Variants in ZNF624 observed in about 807,000 individuals in gnomAD.
The protein encoded by ZNF624 is zinc finger protein 624.
A neutral mutation model predicts 74.7 loss-of-function variants in ZNF624; 43 were observed. The ratio of observed to expected loss-of-function variants is 0.58; its 90% CI spans 0.45 to 0.74. The LOEUF (loss-of-function observed/expected upper bound fraction) is 0.74, where lower values mean the gene tolerates loss of function less well. Ranked by LOEUF, ZNF624 falls within the 30% of genes least tolerant of loss-of-function variation. The pLI is 0.00. For synonymous variants in ZNF624, 331 were observed against 341.3 expected (o/e 0.97, Z 0.33); for missense variants, 820 against 1,030.0 (o/e 0.80, Z 2.79).
intron 5 of ZNF624, among the ~76,000 whole-genome samples, chr17:16,629,255 G>C (rs1171107900): frequency 7.1e-6 from 1 of 140,866 alleles, no homozygotes; most frequent in African/African-American, 2.6e-5. Flanking sequence ...TTTAAACAGT[G>C]TCTTGCTCTG....
chr17:16,649,824 C>T, intron 1 of ZNF624, 78 bp from the exon 2 acceptor site: 1 of 1,152,344 alleles, frequency 8.7e-7, no homozygotes, highest in Non-Finnish European at 1.3e-6. Flanking sequence ...TCCTGACATA[C>T]AAGTGAGCAT....
rs1466884342 is a variant in ZNF624, at chr17:16,653,781, G to A, written c.-20C>T. Reference sequence around the variant, plus strand: ...ACGAGTACCTGGCGGCCGAACTGAGGACAACTGAGGGAACTCGCAGAGCAG... The same window carrying A: ...ACGAGTACCTGGCGGCCGAACTGAGAACAACTGAGGGAACTCGCAGAGCAG... On this transcript the variant is annotated 5_prime_UTR_variant, in exon 1 of 6. Transcript: ENST00000311331. The A allele has an allele frequency of 6.5e-6, 1 of 152,748 alleles. No individual in the cohort carries two copies. The highest frequency in any genetic ancestry group is 6.5e-5 in the Admixed American group (1 of 15,294). 9.5% of individuals were successfully genotyped at this position (152,748 alleles called of 1,614,324 possible). A position where few individuals can be genotyped will look rare whatever the true frequency, so the allele number is the denominator to read the frequency against.
intron 3 of ZNF624, among the ~76,000 whole-genome samples, chr17:16,644,804 C>A (rs950752726): frequency 6.6e-6 from 1 of 152,050 alleles, no homozygotes. Flanking sequence ...TCATAATTAC[C>A]CGTTTTGAGC....
downstream of ZNF624, chr17:16,617,566 A>AC (rs1908815128): frequency 1.9e-6 from 3 of 1,574,078 alleles, no homozygotes; most frequent in Non-Finnish European, 2.6e-6. Context: ...TTCTGTACGA[A>AC]CAGGTGGTCC....
chr17:16,647,054 G>T (rs1909609751), intron 3 of ZNF624, among the ~76,000 whole-genome samples: 1 of 152,040 alleles, frequency 6.6e-6, no homozygotes, highest in African/African-American at 2.4e-5. Flanking sequence ...ATTTTTTAAT[G>T]GCACAGTATT....
intron 5 of ZNF624, among the ~76,000 whole-genome samples, chr17:16,626,584 C>T (rs1239391559): frequency 1.3e-5 from 2 of 152,028 alleles, no homozygotes; most frequent in Non-Finnish European, 2.9e-5. Flanking sequence ...GAGACCCCAT[C>T]TCTATAAAAA....
At chr17:16,632,458 T>G (rs1909228665) in intron 5 of ZNF624, among the ~76,000 whole-genome samples, 1 of 152,148 alleles carries the variant, frequency 6.6e-6, no homozygotes, top group Admixed American at 6.5e-5. Flanking sequence ...CTGCTCCATT[T>G]CTCTTTCCCT....
intron 3 of ZNF624, among the ~76,000 whole-genome samples, chr17:16,636,562 C>T (rs1290683363): frequency 6.6e-6 from 1 of 152,136 alleles, no homozygotes; most frequent in African/African-American, 2.4e-5. Flanking sequence ...CAGGGCCGGG[C>T]GCCGTGGCTC....
intron 5 of ZNF624, among the ~76,000 whole-genome samples, chr17:16,629,639 T>C (rs967693032): frequency 3.9e-5 from 6 of 152,174 alleles, no homozygotes; most frequent in Non-Finnish European, 8.8e-5. Context: ...CAATCTCAGC[T>C]CATTGCAACC....
intron 5 of ZNF624, among the ~76,000 whole-genome samples, chr17:16,627,075 G>A (rs1050290958): frequency 6.6e-6 from 1 of 151,936 alleles, no homozygotes; most frequent in African/African-American, 2.4e-5. Flanking sequence ...AAATAAAAAA[G>A]AAGAAGAAAA....
intron 3 of ZNF624, among the ~76,000 whole-genome samples, chr17:16,641,961 G>GTTTTA (rs1909476813): frequency 6.6e-6 from 1 of 152,144 alleles, no homozygotes; most frequent in Admixed American, 6.5e-5. Flanking sequence ...TGTAAAACAT[G>GTTTTA]CACACTGAAA....
At chr17:16,617,722 C>T (rs530378419), downstream of ZNF624, 14 of 1,603,532 alleles carry the variant, frequency 8.7e-6, no homozygotes, top group African/African-American at 1.3e-5. Context: ...CTGTTCAGCT[C>T]GTAAAGGGCG....
the ZNF624 span, among the ~76,000 whole-genome samples, chr17:16,614,477 A>T: frequency 1.3e-5 from 2 of 152,324 alleles, no homozygotes; most frequent in East Asian, 3.9e-4. Flanking sequence ...ACCAAAATGT[A>T]CACAAGAGAT....
chr17:16,618,070 C>A (rs937288697), downstream of ZNF624, among the ~76,000 whole-genome samples: 2 of 152,138 alleles, frequency 1.3e-5, no homozygotes, highest in Non-Finnish European at 2.9e-5. Context: ...ATAAGAATTG[C>A]TGAAATTTTG....
At chr17:16,620,116 G>A (rs542127046), downstream of ZNF624, among the ~76,000 whole-genome samples, 1 of 152,210 alleles carries the variant, frequency 6.6e-6, no homozygotes, top group Non-Finnish European at 1.5e-5. Context: ...ATTTACCCTG[G>A]CATCGTGAAA....
chr17:16,616,016 TACCTATATTGTGGCAAC>T (rs1331275039), downstream of ZNF624, among the ~76,000 whole-genome samples: 11 of 141,732 alleles, frequency 7.8e-5, no homozygotes, highest in African/African-American at 2.9e-4. Flanking sequence ...ATATACCATA[TACCTATATTGTGGCAAC>T]AATCAGAAAA....
downstream of ZNF624, chr17:16,617,846 G>A (rs1427242899): frequency 3.7e-6 from 6 of 1,610,804 alleles, no homozygotes; most frequent in Admixed American, 1.7e-5. Flanking sequence ...TCTCCTGGAC[G>A]TTGTAGCTTA....
At chr17:16,618,326 C>A (rs1908833600), downstream of ZNF624, among the ~76,000 whole-genome samples, 1 of 152,056 alleles carries the variant, frequency 6.6e-6, no homozygotes, top group South Asian at 2.1e-4. Flanking sequence ...AAACAAACAA[C>A]AACAAAACCA....
intron 3 of ZNF624, among the ~76,000 whole-genome samples, chr17:16,641,504 G>A (rs113813805): frequency 0.087 from 13,277 of 152,084 alleles, 696 homozygotes; most frequent in African/African-American, 0.14. Context: ...GGCTAGTCTC[G>A]AACTCCTGGC....
Sources: gnomAD v4.1 joint callset for allele counts (sites outside exome capture counted in the v4.1 genomes callset) on GRCh38, gnomAD v4.1.1 for gene constraint, MANE v1.5 for transcripts, NCBI Gene and HGNC (gene_info 2026-07-23, HGNC 2026-07-21) for gene names.